ADAMTSL1: variants seen among roughly 807,000 people sequenced by gnomAD.
ADAMTSL1 encodes ADAMTS-like protein 1.
Under a neutral mutation model 201.8 loss-of-function variants are expected in ADAMTSL1, and 126 were observed. The observed-to-expected ratio is 0.62, with a 90% CI of 0.54 to 0.72. The LOEUF is 0.72. Among genes scored for constraint, ADAMTSL1 ranks in the 30% least tolerant of loss-of-function variants. The pLI, the probability that ADAMTSL1 is intolerant of heterozygous loss-of-function variation, is 0.00. For synonymous variants in ADAMTSL1, 1,121 were observed against 903.4 expected (o/e 1.24, Z -4.32); for missense variants, 2,679 against 2,277.8 (o/e 1.18, Z -3.59).
At chr9:18,080,691 T>A (rs1823460963) in intron 1 of ADAMTSL1, among the ~76,000 whole-genome samples, 1 of 152,192 alleles carries the variant, frequency 6.6e-6, no homozygotes, top group South Asian at 2.1e-4. Context: ...TAGACATTAT[T>A]TTCTCCATTT....
At chr9:18,032,700 G>A (rs1166361464) in intron 1 of ADAMTSL1, among the ~76,000 whole-genome samples, 1 of 152,200 alleles carries the variant, frequency 6.6e-6, no homozygotes, top group African/African-American at 2.4e-5. Flanking sequence ...ACAAGACCAA[G>A]CTCTTCCTCT....
chr9:18,885,982 G>A (rs1175572952), intron 23 of ADAMTSL1, among the ~76,000 whole-genome samples: 2 of 151,400 alleles, frequency 1.3e-5, no homozygotes, highest in African/African-American at 2.4e-5. Flanking sequence ...TTCTATCTCT[G>A]GATTCAAAAA....
chr9:18,649,772 G>C (rs559402200), intron 7 of ADAMTSL1, among the ~76,000 whole-genome samples: 1 of 151,978 alleles, frequency 6.6e-6, no homozygotes, highest in Admixed American at 6.6e-5. Flanking sequence ...GGAGTACCCC[G>C]CCGTGTGAGG....
chr9:18,713,982 C>T (rs1293371110), intron 14 of ADAMTSL1, among the ~76,000 whole-genome samples: 2 of 149,776 alleles, frequency 1.3e-5, no homozygotes, highest in African/African-American at 4.9e-5. Context: ...AACTGAACAA[C>T]CTGCTCCTGA....
intron 16 of ADAMTSL1, among the ~76,000 whole-genome samples, chr9:18,765,248 C>G (rs776715377): frequency 1.3e-5 from 2 of 152,204 alleles, no homozygotes; most frequent in African/African-American, 4.8e-5. Context: ...CATACTCCTA[C>G]AAATTCAGCA....
chr9:18,261,569 AT>A (rs960125342), intron 2 of ADAMTSL1, among the ~76,000 whole-genome samples: 2 of 152,158 alleles, frequency 1.3e-5, no homozygotes, highest in African/African-American at 2.4e-5. Flanking sequence ...TCAAGTAAAT[AT>A]TTGGTTCTGG....
chr9:18,335,497 A>G (rs1036854249), intron 2 of ADAMTSL1, among the ~76,000 whole-genome samples: 2 of 152,090 alleles, frequency 1.3e-5, no homozygotes, highest in East Asian at 1.9e-4. Context: ...GGTAATCTCT[A>G]CAGAAGTATT....
At chr9:18,097,084 G>C (rs1168954996) in intron 1 of ADAMTSL1, among the ~76,000 whole-genome samples, 1 of 152,114 alleles carries the variant, frequency 6.6e-6, no homozygotes, top group Non-Finnish European at 1.5e-5. Flanking sequence ...CACCTTCCTA[G>C]TCAGTTACCC....
At chr9:18,720,550 G>A (rs932702667) in intron 14 of ADAMTSL1, among the ~76,000 whole-genome samples, 14 of 152,188 alleles carry the variant, frequency 9.2e-5, no homozygotes, top group Non-Finnish European at 1.8e-4. Context: ...TTTAGAAGCC[G>A]AGGTGGGCAG....
chr9:18,488,519 C>A (rs981171588), intron 1 of ADAMTSL1, among the ~76,000 whole-genome samples: 4 of 152,162 alleles, frequency 2.6e-5, no homozygotes, highest in African/African-American at 9.7e-5. Flanking sequence ...AGATAGACTG[C>A]CTGGATTTCA....
At chr9:18,440,890 C>T (rs1819966259) in intron 2 of ADAMTSL1, among the ~76,000 whole-genome samples, 1 of 152,044 alleles carries the variant, frequency 6.6e-6, no homozygotes, top group African/African-American at 2.4e-5. Flanking sequence ...TTTTTCTTAA[C>T]ACCATTTGTA....
intron 2 of ADAMTSL1, among the ~76,000 whole-genome samples, chr9:18,436,872 C>A (rs1819757812): frequency 6.6e-6 from 1 of 152,122 alleles, no homozygotes; most frequent in Admixed American, 6.5e-5. Flanking sequence ...TTGCAGAGTG[C>A]CCTTGAGAGA....
intron 2 of ADAMTSL1, among the ~76,000 whole-genome samples, chr9:18,378,385 C>G (rs983368585): frequency 6.6e-6 from 1 of 152,156 alleles, no homozygotes; most frequent in African/African-American, 2.4e-5. Flanking sequence ...GAAAATCTTT[C>G]AAGAGTCTTG....
intron 2 of ADAMTSL1, among the ~76,000 whole-genome samples, chr9:18,465,184 C>G (rs571231608): frequency 1.3e-5 from 2 of 152,314 alleles, no homozygotes; most frequent in South Asian, 4.1e-4. Context: ...CTTTCCAAGG[C>G]AGTTCTCCCA....
intron 26 of ADAMTSL1, among the ~76,000 whole-genome samples, chr9:18,898,188 C>CA (rs1195864282): frequency 1.3e-5 from 2 of 151,886 alleles, no homozygotes; most frequent in Non-Finnish European, 2.9e-5. Context: ...GACTCCGTCT[C>CA]AAAAAAAGAA....
rs1455456978 is a variant in ADAMTSL1 at position 18,734,693 on chromosome 9, G to T, written c.2006+13028G>T. ...ATTCACCTAATCCAGGTTAGAGAAG[G>T]TGACCTTGAGAAGGTAACCACGAGC... On this transcript the variant is annotated intron_variant, in intron 15 of 28. Transcript: ENST00000380548. Among the ~76,000 whole-genome samples the T allele has an allele frequency of 9.2e-5, 14 of 152,174 alleles. No individual in the cohort carries two copies. In the East Asian group the frequency reaches 2.7e-3, roughly 29 times the overall value.
At chr9:18,225,898 G>T (rs979808173) in intron 2 of ADAMTSL1, among the ~76,000 whole-genome samples, 11 of 151,964 alleles carry the variant, frequency 7.2e-5, no homozygotes, top group Admixed American at 2.6e-4. Flanking sequence ...TGAATTCAAG[G>T]CCTGTATTTC....
rs117963298 is a variant in ADAMTSL1 at position 18,906,210 on chromosome 9, C to T, written c.4961+319C>T. Among the ~76,000 whole-genome samples the T allele has an allele frequency of 4.6e-3, 708 of 152,298 alleles. 1 individual carries two copies. Among genetic ancestry groups the T allele is most frequent in the Non-Finnish European group, 8.0e-3 (544 of 68,010 alleles). On this transcript the variant is annotated intron_variant, in intron 27 of 28. Coordinates refer to ENST00000380548, the MANE Select transcript of ADAMTSL1 (RefSeq NM_001040272.6). Reference sequence around the variant, plus strand: ...TGGTCAGGAGGTGAGGTCTGCACAGCGGCCACCAAGTCTCAAAGGCTCAAG... The same window carrying T: ...TGGTCAGGAGGTGAGGTCTGCACAGTGGCCACCAAGTCTCAAAGGCTCAAG...
intron 20 of ADAMTSL1, among the ~76,000 whole-genome samples, chr9:18,803,875 C>A (rs1026857069): frequency 6.6e-6 from 1 of 152,094 alleles, no homozygotes; most frequent in Non-Finnish European, 1.5e-5. Flanking sequence ...AAAGGGTAAT[C>A]ACAATTTATT....
Sources: allele counts gnomAD v4.1 joint callset (sites outside exome capture counted in the v4.1 genomes callset), GRCh38; gene constraint gnomAD v4.1.1; transcripts MANE v1.5; gene names NCBI Gene and HGNC (gene_info 2026-07-23, HGNC 2026-07-21).